The following KLF12 variants were observed in gnomAD, a reference collection of about 807,000 sequenced individuals.
KLF12 encodes KLF transcription factor 12, also known as Krueppel-like factor 12.
KLF12 carries 9 observed loss-of-function variants against 37.8 expected under a neutral mutation model. The observed-to-expected ratio is 0.24, with a 90% CI of 0.14 to 0.42. The LOEUF (loss-of-function observed/expected upper bound fraction) is 0.42, where lower values mean the gene tolerates loss of function less well. KLF12 is among the 10% of genes least tolerant of loss of function. The probability of loss-of-function intolerance (pLI) is 1.00; values close to 1 mark genes in which losing one functional copy is unlikely to be tolerated. For synonymous variants in KLF12, 208 were observed against 202.1 expected (o/e 1.03, Z -0.25); for missense variants, 411 against 516.0 (o/e 0.80, Z 1.97).
chr13:74,156,210 T>C, the KLF12 span, among the ~76,000 whole-genome samples: 1 of 152,222 alleles, frequency 6.6e-6, no homozygotes, highest in African/African-American at 2.4e-5. Flanking sequence ...GCGATCTCTC[T>C]TCATAATTTT....
At chr13:74,207,741 T>C in the KLF12 span, among the ~76,000 whole-genome samples, 2 of 152,132 alleles carry the variant, frequency 1.3e-5, no homozygotes, top group Non-Finnish European at 2.9e-5. Context: ...GAGGATTCCA[T>C]TCATCCCCAA....
chr13:74,022,913 CT>C (rs1892880858), intron 1 of KLF12, among the ~76,000 whole-genome samples: 1 of 151,024 alleles, frequency 6.6e-6, no homozygotes, highest in Non-Finnish European at 1.5e-5. Flanking sequence ...TCAAAACTCT[CT>C]TCGACCTAAC....
At chr13:74,135,306 C>A (rs983268555), upstream of KLF12, among the ~76,000 whole-genome samples, 11 of 151,834 alleles carry the variant, frequency 7.2e-5, no homozygotes, top group African/African-American at 1.9e-4. Flanking sequence ...GATCTGCAGA[C>A]CCCCGCGGGG....
the KLF12 span, among the ~76,000 whole-genome samples, chr13:74,140,206 T>C: frequency 0.24 from 36,343 of 152,118 alleles, 6,030 homozygotes; most frequent in African/African-American, 0.47. Flanking sequence ...AAACCTACTG[T>C]CAAATTATTT....
At chr13:73,905,582 T>C (rs1000293288) in intron 3 of KLF12, among the ~76,000 whole-genome samples, 1 of 151,964 alleles carries the variant, frequency 6.6e-6, no homozygotes, top group Admixed American at 6.5e-5. Context: ...CTTTAGTAAC[T>C]TGAATTAATT....
At chr13:74,045,058 T>A (rs1215235105) in intron 1 of KLF12, among the ~76,000 whole-genome samples, 3 of 152,186 alleles carry the variant, frequency 2.0e-5, no homozygotes, top group Non-Finnish European at 2.9e-5. Flanking sequence ...ATAATTTATG[T>A]GTATACTTCA....
chr13:73,748,863 C>T (rs1314895853), intron 6 of KLF12, among the ~76,000 whole-genome samples: 1 of 152,182 alleles, frequency 6.6e-6, no homozygotes, highest in Non-Finnish European at 1.5e-5. Flanking sequence ...CAAAGCTGTG[C>T]TCTTTCCATT....
At chr13:73,967,847 G>C (rs1338226580) in intron 2 of KLF12, among the ~76,000 whole-genome samples, 1 of 152,116 alleles carries the variant, frequency 6.6e-6, no homozygotes, top group Non-Finnish European at 1.5e-5. Context: ...TAATAATTAT[G>C]AGCATCAGTG....
chr13:74,031,876 C>T (rs574159505), intron 1 of KLF12, among the ~76,000 whole-genome samples: 13 of 152,160 alleles, frequency 8.5e-5, no homozygotes, highest in Middle Eastern at 3.4e-3. Context: ...CTCTAAATGT[C>T]GGGCTAAGCA....
At chr13:73,746,151 T>C (rs1878356776) in intron 6 of KLF12, among the ~76,000 whole-genome samples, 1 of 151,980 alleles carries the variant, frequency 6.6e-6, no homozygotes, top group Admixed American at 6.5e-5. Flanking sequence ...ACTATATTAA[T>C]TCAATTATAT....
rs559210939 is a variant in KLF12, at chr13:73,873,509, C to T, written c.124-27136G>A. 2.0e-4 allele frequency among the ~76,000 whole-genome samples: 30 copies of T among 152,218 alleles called. No individual in the cohort carries two copies. The East Asian group carries it at 4.4e-3, about 23-fold the overall frequency. On this transcript the variant is annotated intron_variant, in intron 3 of 7. Coordinates refer to ENST00000377669, the MANE Select transcript of KLF12 (RefSeq NM_007249.5). ...CTTAAAAGCAACTTAGATAGTAATG[C>T]TCTAAATGACCAAAACTACATTTTA... is the stretch of plus-strand genomic sequence containing the variant.
chr13:73,835,796 T>A (rs1161849129), intron 4 of KLF12, among the ~76,000 whole-genome samples: 4 of 152,166 alleles, frequency 2.6e-5, no homozygotes, highest in Admixed American at 2.6e-4. Flanking sequence ...TGGGTGACAC[T>A]CTCAGATACT....
intron 2 of KLF12, among the ~76,000 whole-genome samples, chr13:73,952,809 A>G (rs1167437444): frequency 1.3e-5 from 2 of 152,200 alleles, no homozygotes; most frequent in African/African-American, 4.8e-5. Flanking sequence ...ACAGGACTAG[A>G]AGCAATTTGG....
chr13:74,238,037 T>A, the KLF12 span, among the ~76,000 whole-genome samples: 1 of 146,356 alleles, frequency 6.8e-6, no homozygotes, highest in Non-Finnish European at 1.5e-5. Flanking sequence ...AGGGAATGCT[T>A]CCAGTCTTTG....
chr13:73,847,224 T>C (rs1594164754), intron 3 of KLF12, among the ~76,000 whole-genome samples: 1 of 152,104 alleles, frequency 6.6e-6, no homozygotes, highest in African/African-American at 2.4e-5. Flanking sequence ...GGCATAAGAG[T>C]ACTATTAGTG....
intron 1 of KLF12, among the ~76,000 whole-genome samples, chr13:74,060,564 C>A (rs1873538607): frequency 6.8e-6 from 1 of 147,030 alleles, no homozygotes; most frequent in Non-Finnish European, 1.5e-5. Flanking sequence ...ATTTGGTTCT[C>A]AGCTTGAACA....
chr13:73,864,634 A>G (rs1366895580), intron 3 of KLF12, among the ~76,000 whole-genome samples: 1 of 152,112 alleles, frequency 6.6e-6, no homozygotes, highest in Admixed American at 6.5e-5. Flanking sequence ...ATTCAATCCA[A>G]AAGATTTTAA....
chr13:73,735,406 T>C (rs1267700503), intron 6 of KLF12, among the ~76,000 whole-genome samples: 1 of 152,152 alleles, frequency 6.6e-6, no homozygotes. Flanking sequence ...GGTGCCTCCA[T>C]TATGTTCATG....
At chr13:73,703,685 C>T (rs966353701) in intron 7 of KLF12, among the ~76,000 whole-genome samples, 1 of 152,132 alleles carries the variant, frequency 6.6e-6, no homozygotes, top group Admixed American at 6.5e-5. Context: ...ATGGATATTA[C>T]CTCATTTAAT....
Sources: gnomAD v4.1 joint callset for allele counts (sites outside exome capture counted in the v4.1 genomes callset) on GRCh38, gnomAD v4.1.1 for gene constraint, MANE v1.5 for transcripts, NCBI Gene and HGNC (gene_info 2026-07-23, HGNC 2026-07-21) for gene names.